DENND2C: variants seen among roughly 807,000 people sequenced by gnomAD.
DENND2C encodes DENN domain-containing protein 2C.
DENND2C carries 72 observed loss-of-function variants against 112.4 expected under a neutral mutation model. The observed-to-expected ratio is 0.64, with a 90% CI of 0.53 to 0.78. DENND2C has a LOEUF of 0.78. Ranked by LOEUF, DENND2C falls within the 30% of genes least tolerant of loss-of-function variation. The probability of loss-of-function intolerance (pLI) is 0.00; values close to 1 mark genes in which losing one functional copy is unlikely to be tolerated. For synonymous variants in DENND2C, 329 were observed against 381.6 expected (o/e 0.86, Z 1.61); for missense variants, 992 against 1,113.8 (o/e 0.89, Z 1.56).
At chr1:114,643,341 C>T (rs1656897129) in intron 3 of DENND2C, among the ~76,000 whole-genome samples, 1 of 152,178 alleles carries the variant, frequency 6.6e-6, no homozygotes, top group African/African-American at 2.4e-5. Flanking sequence ...ATTACATTAA[C>T]ACATTATTTA....
chr1:114,638,762 C>CAAAAAAAAAAAAAAAAAAAAAAAAA (rs35740017), intron 3 of DENND2C, among the ~76,000 whole-genome samples: 1 of 84,164 alleles, frequency 1.2e-5, no homozygotes, highest in Non-Finnish European at 2.3e-5. Flanking sequence ...GACCTTGTCT[C>CAAAAAAAAAAAAAAAAAAAAAAAAA]AAAAAAAAAA....
intron 1 of DENND2C, among the ~76,000 whole-genome samples, chr1:114,669,005 T>C (rs1657717993): frequency 6.6e-6 from 1 of 152,028 alleles, no homozygotes; most frequent in Non-Finnish European, 1.5e-5. Flanking sequence ...TTCTAGAAAA[T>C]TTCATCAATC....
intron 11 of DENND2C, 103 bp downstream of exon 11, chr1:114,604,819 C>G: frequency 1.3e-6 from 1 of 787,524 alleles, no homozygotes; most frequent in Non-Finnish European, 2.1e-6. Context: ...TGACTTGCCA[C>G]AGTATTCACA....
chr1:114,587,796 T>C lies in DENND2C; in HGVS notation c.2588A>G (p.His863Arg). The change falls in exon 19 of 21, where the codon CAC becomes CGC. Residue 863 changes from histidine to arginine, a missense_variant. His to Arg is a conservative substitution (Grantham distance 29). Coordinates refer to ENST00000393274, the MANE Select transcript of DENND2C (RefSeq NM_001256404.2). ...RKSHTSRSVRHFLDLFMETQM... is the reference protein window; with the variant it reads ...RKSHTSRSVRRFLDLFMETQM... ...AGTTTCCATGAAGAGATCCAGGAAG[T>C]GGCGTACACTTCGGGAGGTGTGGGA... 6.2e-7 allele frequency: 1 copy of C among 1,614,118 alleles called. No homozygotes were observed. The highest frequency in any genetic ancestry group is 1.1e-5 in the South Asian group (1 of 91,082).
At chr1:114,606,809 T>C in intron 10 of DENND2C, among the ~76,000 whole-genome samples, 1 of 152,200 alleles carries the variant, frequency 6.6e-6, no homozygotes, top group Non-Finnish European at 1.5e-5. Context: ...CACAAGGTGC[T>C]GGGTTTCCTC....
chr1:114,649,368 G>A (rs1373402338), intron 2 of DENND2C, among the ~76,000 whole-genome samples: 3 of 152,024 alleles, frequency 2.0e-5, no homozygotes, highest in African/African-American at 7.2e-5. Context: ...GTAACCTAGT[G>A]TTTTCCTAGT....
At chr1:114,656,818 C>G (rs554625326) in intron 1 of DENND2C, among the ~76,000 whole-genome samples, 3 of 152,096 alleles carry the variant, frequency 2.0e-5, no homozygotes, top group Non-Finnish European at 2.9e-5. Context: ...GTGGTGCAGT[C>G]TTGGCTCACT....
intron 3 of DENND2C, among the ~76,000 whole-genome samples, chr1:114,643,153 C>T (rs149870118): frequency 1.3e-5 from 2 of 152,250 alleles, no homozygotes; most frequent in East Asian, 3.9e-4. Flanking sequence ...GTAAATGCTT[C>T]TGCAATGCTG....
intron 16 of DENND2C, among the ~76,000 whole-genome samples, chr1:114,598,721 G>A (rs904547562): frequency 3.9e-5 from 6 of 152,180 alleles, no homozygotes; most frequent in South Asian, 4.2e-4. Context: ...TCCCTCTGTC[G>A]CCCAGGTTGG....
At chr1:114,645,656 A>G (rs1449382017) in intron 2 of DENND2C, 97 bp from the exon 3 acceptor site, 2 of 152,180 alleles carry the variant, frequency 1.3e-5, no homozygotes, top group Non-Finnish European at 2.9e-5. Flanking sequence ...CAGAATACTT[A>G]TTTGTCAATT....
At chr1:114,588,403 G>A (rs1191496499) in intron 18 of DENND2C, 1 of 157,186 alleles carries the variant, frequency 6.4e-6, no homozygotes, top group Non-Finnish European at 1.4e-5. Flanking sequence ...TTTTTCTCTT[G>A]TCCTTTCTTT....
chr1:114,595,958 A>T lies in DENND2C; in HGVS notation c.2284-85T>A, dbSNP rs568524054. 7.0e-6 allele frequency: 9 copies of T among 1,281,098 alleles called. No homozygotes were observed. The East Asian group carries it at 2.1e-4, about 30-fold the overall frequency. The allele number at this position is 1,281,098 out of a possible 1,614,324, so 79.4% of individuals were successfully genotyped here. A position where few individuals can be genotyped will look rare whatever the true frequency, so the allele number is the denominator to read the frequency against. On this transcript the variant is annotated intron_variant, in intron 16 of 20. Transcript: ENST00000393274. ...ATGAGAATAGTTTTAAACAAAATTT[A>T]CTCAAAGTTTCAGCCCATTTAAAAG...
rs1017060779 is a variant in DENND2C, at chr1:114,645,544, T to G, written c.-301A>C. On this transcript the variant is annotated 5_prime_UTR_variant, in exon 3 of 21. Coordinates refer to ENST00000393274, the MANE Select transcript of DENND2C (RefSeq NM_001256404.2). ...CCACTCAATCTGCGGTATTTGGTTA[T>G]GGTAGACCTAGCAAACTAATACAAA... 2 of 152,206 alleles carry G rather than the reference T, an allele frequency of 1.3e-5. No homozygotes were observed. Among genetic ancestry groups the G allele is most frequent in the African/African-American group, 4.8e-5 (2 of 41,456 alleles). The allele number at this position is 152,206 out of a possible 1,614,324, so 9.4% of individuals were successfully genotyped here. A position where few individuals can be genotyped will look rare whatever the true frequency, so the allele number is the denominator to read the frequency against.
At chr1:114,652,661 CTTTTTTTTTTTT>C (rs55647145) in intron 2 of DENND2C, among the ~76,000 whole-genome samples, 16 of 109,850 alleles carry the variant, frequency 1.5e-4, no homozygotes, top group Admixed American at 3.2e-4. Context: ...CTTACATTTA[CTTTTTTTTTTTT>C]TTTTTTTTTT....
chr1:114,639,526 G>A (rs183323068), intron 3 of DENND2C, among the ~76,000 whole-genome samples: 1 of 150,618 alleles, frequency 6.6e-6, no homozygotes, highest in African/African-American at 2.4e-5. Flanking sequence ...AGGTTGCAGT[G>A]AGCTGAGATT....
chr1:114,587,971 GAAAA>G lies in DENND2C; in HGVS notation c.2432-23_2432-20del, dbSNP rs774538973. Reference sequence around the variant, plus strand: ...GTCACATCTGCTGCAACATGAAAAAGAAAAAAAGAAAAAAATCTCCTCAGTTATC... The same window carrying G: ...GTCACATCTGCTGCAACATGAAAAAGAAAGAAAAAAATCTCCTCAGTTATC... On this transcript the variant is annotated intron_variant, in intron 18 of 20. Coordinates refer to ENST00000393274, the MANE Select transcript of DENND2C (RefSeq NM_001256404.2). The G allele has an allele frequency of 3.8e-6, 6 of 1,585,350 alleles. No homozygotes were observed. Among genetic ancestry groups the G allele is most frequent in the Non-Finnish European group, 4.3e-6 (5 of 1,166,988 alleles).
At chr1:114,623,234 G>A (rs1656215706) in intron 5 of DENND2C, 135 bp from the exon 6 acceptor site, 3 of 792,382 alleles carry the variant, frequency 3.8e-6, no homozygotes, top group Non-Finnish European at 5.7e-6. Context: ...TGGGTTTCCA[G>A]ATCAACAGCA....
chr1:114,635,900 A>G (rs770849684), intron 3 of DENND2C, among the ~76,000 whole-genome samples: 32 of 151,844 alleles, frequency 2.1e-4, no homozygotes, highest in Admixed American at 3.3e-4. Context: ...CAGTTTCTTG[A>G]AAGACTGAGG....
At chr1:114,652,998 T>C (rs926124568) in intron 2 of DENND2C, among the ~76,000 whole-genome samples, 5 of 152,148 alleles carry the variant, frequency 3.3e-5, no homozygotes, top group African/African-American at 1.2e-4. Context: ...TCCAGTTTTT[T>C]CTGAATCTTT....
Sources: allele counts gnomAD v4.1 joint callset (sites outside exome capture counted in the v4.1 genomes callset), GRCh38; gene constraint gnomAD v4.1.1; transcripts MANE v1.5; gene names NCBI Gene and HGNC (gene_info 2026-07-23, HGNC 2026-07-21).